The following TVP23C variants were observed in gnomAD, a reference collection of about 807,000 sequenced individuals.
The protein encoded by TVP23C is Golgi apparatus membrane protein TVP23 homolog C.
TVP23C carries 19 observed loss-of-function variants against 28.7 expected under a neutral mutation model. The observed-to-expected ratio is 0.66, with a 90% CI of 0.46 to 0.97. The LOEUF is 0.97. TVP23C is among the 50% of genes least tolerant of loss of function. The probability of loss-of-function intolerance (pLI) is 0.00; values close to 1 mark genes in which losing one functional copy is unlikely to be tolerated. For missense variants in TVP23C, 186 were observed against 241.3 expected (o/e 0.77, Z 1.52); for synonymous variants, 68 against 81.7 (o/e 0.83, Z 0.90).
rs142000267 is a variant in TVP23C, at chr17:15,511,774, T to C, written c.463-8542A>G. 4.8e-4 allele frequency among the ~76,000 whole-genome samples: 73 copies of C among 152,326 alleles called. No homozygotes were observed. In the East Asian group the frequency reaches 0.014, roughly 29 times the overall value. ...TCCTTTCAATTGTGTTTCGTGACTC[T>C]GGAAAAATACTGGATACTTTCAATA... On this transcript the variant is annotated intron_variant, in intron 5 of 5. Coordinates refer to the TVP23C transcript ENST00000225576.
chr17:15,505,763 C>T (rs906031275), intron 5 of TVP23C, among the ~76,000 whole-genome samples: 4 of 151,886 alleles, frequency 2.6e-5, no homozygotes, highest in East Asian at 2.0e-4. Context: ...TCCGGGTGGG[C>T]GTGGGCTTGG....
intron 5 of TVP23C, among the ~76,000 whole-genome samples, chr17:15,528,266 T>C (rs1257323419): frequency 1.3e-5 from 2 of 152,234 alleles, no homozygotes; most frequent in African/African-American, 4.8e-5. Flanking sequence ...CACTGTTATA[T>C]ATGCATCCCA....
At chr17:15,556,765 C>A (rs1984152187) in intron 1 of TVP23C, among the ~76,000 whole-genome samples, 1 of 152,148 alleles carries the variant, frequency 6.6e-6, no homozygotes, top group Admixed American at 6.6e-5. Context: ...AGCCTCCCTG[C>A]CTTTATCCCT....
intron 1 of TVP23C, among the ~76,000 whole-genome samples, chr17:15,557,992 ATGAAACTAGTGGTTCTCAACCT>A (rs1984209979): frequency 6.7e-6 from 1 of 149,324 alleles, no homozygotes; most frequent in African/African-American, 2.4e-5. Flanking sequence ...ATTCAGATCT[ATGAAACTAGTGGTTCTCAACCT>A]TGGCTACAAT....
chr17:15,542,059 T>C (rs1179916912), intron 5 of TVP23C, among the ~76,000 whole-genome samples: 1 of 152,040 alleles, frequency 6.6e-6, no homozygotes, highest in Non-Finnish European at 1.5e-5. Flanking sequence ...ACAAATAAAC[T>C]AATACCAACA....
chr17:15,536,512 G>A (rs145501507), downstream of TVP23C, among the ~76,000 whole-genome samples: 259 of 152,254 alleles, frequency 1.7e-3, no homozygotes, highest in Non-Finnish European at 2.9e-3. Flanking sequence ...CTAATTAGGT[G>A]GGAAATCTGT....
chr17:15,522,767 G>A (rs996592032), intron 5 of TVP23C, among the ~76,000 whole-genome samples: 1 of 152,138 alleles, frequency 6.6e-6, no homozygotes, highest in Non-Finnish European at 1.5e-5. Flanking sequence ...TCCTGGCCAA[G>A]CACTGTGGCT....
At chr17:15,545,646 C>A (rs1983611628) in intron 5 of TVP23C, 139 bp downstream of exon 5, 3 of 1,316,964 alleles carry the variant, frequency 2.3e-6, no homozygotes, top group Non-Finnish European at 3.0e-6. Flanking sequence ...AGTTGGGAAG[C>A]AAAACTTGGG....
exon 6 of TVP23C, chr17:15,502,857 G>A (rs750128025): frequency 1.9e-6 from 3 of 1,567,636 alleles, no homozygotes; most frequent in Non-Finnish European, 2.6e-6. Flanking sequence ...AGATTTGTGG[G>A]TTGTTTTTAA....
At chr17:15,509,735 C>T (rs886937361) in intron 5 of TVP23C, among the ~76,000 whole-genome samples, 1 of 152,150 alleles carries the variant, frequency 6.6e-6, no homozygotes, top group African/African-American at 2.4e-5. Flanking sequence ...ACAGAAAAAT[C>T]CACTCATCCT....
chr17:15,561,716 C>T (rs1483583113), intron 1 of TVP23C, among the ~76,000 whole-genome samples: 8 of 152,364 alleles, frequency 5.3e-5, no homozygotes, highest in Admixed American at 1.3e-4. Context: ...CCGGCCTGGG[C>T]GCAGGTTCAA....
chr17:15,553,459 C>T (rs1225836118), intron 3 of TVP23C, among the ~76,000 whole-genome samples: 3 of 146,198 alleles, frequency 2.1e-5, no homozygotes, highest in Admixed American at 1.4e-4. Context: ...TAGAATATGG[C>T]ACAGAAAAAT....
intron 3 of TVP23C, among the ~76,000 whole-genome samples, chr17:15,551,643 G>A (rs1199064670): frequency 4.0e-5 from 6 of 150,282 alleles, no homozygotes; most frequent in Non-Finnish European, 5.9e-5. Context: ...AGAGAAATTC[G>A]TAAACTTTCT....
intron 1 of TVP23C, among the ~76,000 whole-genome samples, chr17:15,555,660 C>T (rs1483785839): frequency 1.3e-5 from 2 of 152,096 alleles, no homozygotes; most frequent in Non-Finnish European, 2.9e-5. Context: ...ACCTGTCCTC[C>T]TCACCTGTTC....
exon 6 of TVP23C, chr17:15,503,068 C>T (rs767009665): frequency 1.2e-6 from 2 of 1,614,092 alleles, no homozygotes; most frequent in Admixed American, 1.7e-5. Flanking sequence ...GAGCTCGATC[C>T]GTGATCCTCG....
chr17:15,524,907 C>T (rs1389945238), intron 5 of TVP23C, among the ~76,000 whole-genome samples: 2 of 152,202 alleles, frequency 1.3e-5, no homozygotes, highest in Admixed American at 1.3e-4. Context: ...ACCAGGACCA[C>T]CACTCGGCTC....
At chr17:15,542,556 A>G (rs1983460086) in intron 5 of TVP23C, among the ~76,000 whole-genome samples, 1 of 152,246 alleles carries the variant, frequency 6.6e-6, no homozygotes, top group South Asian at 2.1e-4. Flanking sequence ...AGCTCACTGC[A>G]AACTCCGCCT....
At chr17:15,535,504 C>T (rs1983118753), downstream of TVP23C, among the ~76,000 whole-genome samples, 1 of 151,354 alleles carries the variant, frequency 6.6e-6, no homozygotes, top group African/African-American at 2.4e-5. Context: ...CTCCCTGCCA[C>T]TCCCTGGCTC....
intron 5 of TVP23C, chr17:15,503,418 C>T: frequency 1.4e-6 from 1 of 708,460 alleles, no homozygotes; most frequent in East Asian, 3.0e-5. Flanking sequence ...AAGAAAAGTC[C>T]TTGAGGCAAA....
Sources: allele counts gnomAD v4.1 joint callset (sites outside exome capture counted in the v4.1 genomes callset), GRCh38; gene constraint gnomAD v4.1.1; transcripts MANE v1.5; gene names NCBI Gene and HGNC (gene_info 2026-07-23, HGNC 2026-07-21).